Variants in TRIM28 observed in about 807,000 individuals in gnomAD.
TRIM28 encodes tripartite motif containing 28, also known as transcription intermediary factor 1-beta.
A neutral mutation model predicts 87.4 loss-of-function variants in TRIM28; 8 were observed. The observed-to-expected ratio is 0.09, with a 90% CI of 0.05 to 0.17. The LOEUF (loss-of-function observed/expected upper bound fraction) is 0.17, where lower values mean the gene tolerates loss of function less well. Ranked by LOEUF, TRIM28 falls within the 10% of genes least tolerant of loss-of-function variation. The pLI is 1.00. For missense variants in TRIM28, 968 were observed against 1,131.8 expected, an observed-to-expected ratio of 0.86 and a Z score of 2.08; for synonymous variants, 601 against 454.3, an observed-to-expected ratio of 1.32 and a Z score of -4.11.
intron 11 of TRIM28, 22 bp from the exon 12 acceptor site, chr19:58,548,966 T>C (rs528239387): frequency 1.2e-6 from 2 of 1,614,056 alleles, no homozygotes; most frequent in East Asian, 2.2e-5. Flanking sequence ...GGTGTACTCA[T>C]GCCAGGTTGC....
rs776641113 is a variant in TRIM28 at position 58,548,839 on chromosome 19, GTCT to G, written c.1361-18_1361-16del. ...GTGCTGTTTCTACCCCAACCTGCCA[GTCT>G]TCTTTCTCCATTTTCTAAGGAGATG... is the stretch of plus-strand genomic sequence containing the variant. On this transcript the variant is annotated intron_variant, in intron 10 of 16. Coordinates refer to ENST00000253024, the MANE Select transcript of TRIM28 (RefSeq NM_005762.3). 1.1e-5 allele frequency: 17 copies of G among 1,614,110 alleles called. No individual in the cohort carries two copies. Among genetic ancestry groups the G allele is most frequent in the South Asian group, 3.3e-5 (3 of 91,086 alleles).
At position 58,550,198 on chromosome 19, in the gene TRIM28, G is replaced by A. The variant is rs2122634274; in HGVS notation, c.2245G>A (p.Glu749Lys). 6.2e-7 allele frequency: 1 copy of A among 1,614,054 alleles called. No homozygotes were observed. The highest frequency in any genetic ancestry group is 2.2e-5 in the East Asian group (1 of 44,878). The change falls in exon 16 of 17, where the codon GAG (glutamate) becomes AAG (lysine). Residue 749 changes from glutamate to lysine, a missense_variant. This residue lies in a region of TRIM28 where 192 missense variants were observed against 225.6 expected (regional missense o/e 0.85). Coordinates refer to ENST00000253024, the MANE Select transcript of TRIM28 (RefSeq NM_005762.3). ...GACCCTGATCCGTGCCCGCCTCCAGGAGAAGTTGTCACCTCCCTACAGCTC... is the reference window on the plus strand; with the variant it reads ...GACCCTGATCCGTGCCCGCCTCCAGAAGAAGTTGTCACCTCCCTACAGCTC... ...DLTLIRARLQ[E>K]KLSPPYSSPQ...
intron 3 of TRIM28, among the ~76,000 whole-genome samples, chr19:58,546,457 G>A (rs2053762063): frequency 6.6e-6 from 1 of 152,132 alleles, no homozygotes; most frequent in African/African-American, 2.4e-5. Context: ...CCAAGTTTTG[G>A]GGCCAGAATC....
chr19:58,550,133 A>T lies in TRIM28; in HGVS notation c.2194-14A>T. On this transcript the variant is annotated splice_polypyrimidine_tract_variant and intron_variant, in intron 15 of 16. Coordinates refer to ENST00000253024, the MANE Select transcript of TRIM28 (RefSeq NM_005762.3). ...GTGTGTCTTTGTGTGTGTATGTGTG[A>T]TCTCTGCCTGCAGGACCAGCCCGGT... is the stretch of plus-strand genomic sequence containing the variant. The T allele has an allele frequency of 6.2e-7, 1 of 1,613,478 alleles. No individual in the cohort carries two copies. The highest frequency in any genetic ancestry group is 1.3e-5 in the African/African-American group (1 of 74,842).
rs2053750698 is a variant in TRIM28 at position 58,545,245 on chromosome 19, G to C, written c.340+148G>C. On this transcript the variant is annotated intron_variant, in intron 1 of 16. Coordinates refer to ENST00000253024, the MANE Select transcript of TRIM28 (RefSeq NM_005762.3). ...CTTTCTGGGTCCTGCATACGAACGT[G>C]GGTTTGTGCTGGCCGCTGAGATGGG... The C allele has an allele frequency of 1.6e-5, 15 of 925,340 alleles. No individual in the cohort carries two copies. The South Asian group carries it at 2.6e-4, about 16-fold the overall frequency. The allele number at this position is 925,340 out of a possible 1,614,324, so 57.3% of individuals were successfully genotyped here.
rs748410485 is a variant in TRIM28, at chr19:58,545,390, C to G, written c.341-35C>G. 4.5e-6 allele frequency: 7 copies of G among 1,543,378 alleles called. No homozygotes were observed. The South Asian group carries it at 7.9e-5, about 17-fold the overall frequency. ...GTGGGGGCCATAACCTGGGTGGGAA[C>G]TTGTAACAGTCTCCCACATCCCTGC... On this transcript the variant is annotated intron_variant, in intron 1 of 16. Transcript: ENST00000253024.
chr19:58,550,687 C>T lies in TRIM28; in HGVS notation c.*134C>T, dbSNP rs1318677262. ...GTTCCTCACGATATGGTTTTTACTTCTGTGGATTTAATAAAAACTTCACCA... is the reference window on the plus strand; with the variant it reads ...GTTCCTCACGATATGGTTTTTACTTTTGTGGATTTAATAAAAACTTCACCA... On this transcript the variant is annotated 3_prime_UTR_variant, in exon 17 of 17. Transcript: ENST00000253024. The T allele has an allele frequency of 8.5e-6, 8 of 941,428 alleles. No homozygotes were observed. Among genetic ancestry groups the T allele is most frequent in the Admixed American group, 2.9e-5 (1 of 34,352 alleles). 58.3% of individuals were successfully genotyped at this position (941,428 alleles called of 1,614,324 possible). A position where few individuals can be genotyped will look rare whatever the true frequency, so the allele number is the denominator to read the frequency against.
At chr19:58,548,429 C>T in intron 8 of TRIM28, 21 bp downstream of exon 8, 2 of 1,614,008 alleles carry the variant, frequency 1.2e-6, no homozygotes, top group East Asian at 2.2e-5. Flanking sequence ...AGCTTTACCT[C>T]ACTCTGTTAT....
At position 58,547,889 on chromosome 19, in the gene TRIM28, C is replaced by T; in HGVS notation, c.937C>T (p.Leu313=). The change falls in exon 6 of 17, where the codon CTG becomes TTG. Residue 313 remains leucine, a synonymous_variant. Coordinates refer to ENST00000253024, the MANE Select transcript of TRIM28 (RefSeq NM_005762.3). ...GGAGCTGAATAAGCGGGGCCGTGTG[C>T]TGGTCAATGATGCCCAGGTAAGCCT... The part of the protein sequence containing the change: ...MKELNKRGRV[L]VNDAQKVTEG... 9 of 1,614,160 alleles carry T rather than the reference C, an allele frequency of 5.6e-6. No individual in the cohort carries two copies. The highest frequency in any genetic ancestry group is 7.6e-6 in the Non-Finnish European group (9 of 1,180,024).
In TRIM28 at chr19:58,544,472, G is replaced by A. The variant is rs1223366644; in HGVS notation, c.-286G>A. On this transcript the variant is annotated 5_prime_UTR_variant, in exon 1 of 17. Transcript: ENST00000253024. ...GCCTCGGCTCTTTCTGCGAGCGGGC[G>A]CGCGGGCGAGCGGTTGTGCTTGTGC... 2 of 152,380 alleles carry A rather than the reference G, an allele frequency of 1.3e-5. No homozygotes were observed. Among genetic ancestry groups the A allele is most frequent in the Non-Finnish European group, 2.9e-5 (2 of 68,054 alleles). The allele number at this position is 152,380 out of a possible 1,614,324, so 9.4% of individuals were successfully genotyped here.
chr19:58,548,532 A>G lies in TRIM28; in HGVS notation c.1263A>G (p.Ala421=). The change falls in exon 9 of 17, where the codon GCA becomes GCG. Residue 421 remains alanine, a synonymous_variant. Transcript: ENST00000253024. ...CTGGCACTAACTCAACAGGCCCTGC[A>G]CCCATGGCCCCTCCAAGAGCCCCAG... ...ERPGTNSTGP[A]PMAPPRAPGP... is the part of the protein sequence containing the mutation. 1.2e-6 allele frequency: 2 copies of G among 1,613,924 alleles called. No individual in the cohort carries two copies. The highest frequency in any genetic ancestry group is 1.7e-6 in the Non-Finnish European group (2 of 1,179,988).
chr19:58,547,138 G>A (rs2053768319), intron 3 of TRIM28: 1 of 553,800 alleles, frequency 1.8e-6, no homozygotes, highest in Non-Finnish European at 3.2e-6. Context: ...TTACATTGTT[G>A]TTATCTCTAG....
rs751840248 is a variant in TRIM28 at position 58,545,506 on chromosome 19, A to G, written c.422A>G (p.Lys141Arg). 1.6e-5 allele frequency: 26 copies of G among 1,587,756 alleles called. No homozygotes were observed. The highest frequency in any genetic ancestry group is 2.2e-5 in the Non-Finnish European group (25 of 1,159,152). The change falls in exon 2 of 17, where the codon AAG becomes AGG. Residue 141 changes from lysine (K) to arginine (R), a missense_variant. By Grantham distance (26) the Lys-to-Arg change is conservative. This residue lies in a region of TRIM28 where 51 missense variants were observed against 69.3 expected (regional missense o/e 0.74). Transcript: ENST00000253024. ...TATTTCATGCGTGATAGTGGCAGCA[A>G]GGCTGCCACCGACGCCCAGGATGCG... Reference protein sequence around the residue: ...ENYFMRDSGSKAATDAQDANQ... With the variant: ...ENYFMRDSGSRAATDAQDANQ...
intron 2 of TRIM28, 110 bp from the exon 3 acceptor site, chr19:58,545,654 C>T (rs2053755145): frequency 4.6e-6 from 7 of 1,532,338 alleles, no homozygotes; most frequent in Admixed American, 1.8e-5. Context: ...GGGTGGGCTG[C>T]CTAGGTTGGG....
In TRIM28 at chr19:58,546,207, A is replaced by T. The variant is rs138516081; in HGVS notation, c.586+311A>T. Among the ~76,000 whole-genome samples the T allele has an allele frequency of 1.8e-4, 27 of 152,282 alleles. No individual in the cohort carries two copies. In the East Asian group the frequency reaches 5.2e-3, roughly 29 times the overall value. On this transcript the variant is annotated intron_variant, in intron 3 of 16. Transcript: ENST00000253024. ...GGTGAAGGGCTCAGCATATGCAAACAGGGAAAGGCATGGTGTGAAGGGCTT... is the reference window on the plus strand; with the variant it reads ...GGTGAAGGGCTCAGCATATGCAAACTGGGAAAGGCATGGTGTGAAGGGCTT...
intron 9 of TRIM28, 61 bp downstream of exon 9, chr19:58,548,653 G>C: frequency 6.5e-7 from 1 of 1,547,182 alleles, no homozygotes; most frequent in South Asian, 1.1e-5. Flanking sequence ...TAGCAGGAGA[G>C]AGGACCCAGG....
At position 58,544,883 on chromosome 19, in the gene TRIM28, C is replaced by T; in HGVS notation, c.126C>T (p.Ala42=). The part of the protein sequence containing the change: ...RSTAPSAAAS[A]SASAAASSPA... ...CCGCCCCTTCGGCCGCAGCCTCGGC[C>T]TCTGCCTCAGCCGCGGCGTCGTCGC... is the stretch of plus-strand genomic sequence containing the variant. Residue 42 remains alanine (A), a synonymous_variant, in exon 1 of 17, where the codon GCC becomes GCT. Coordinates refer to ENST00000253024, the MANE Select transcript of TRIM28 (RefSeq NM_005762.3). The T allele has an allele frequency of 7.3e-6, 10 of 1,364,096 alleles. No homozygotes were observed. Among genetic ancestry groups the T allele is most frequent in the Non-Finnish European group, 8.4e-6 (9 of 1,065,982 alleles). The allele number at this position is 1,364,096 out of a possible 1,614,324, so 84.5% of individuals were successfully genotyped here. A position where few individuals can be genotyped will look rare whatever the true frequency, so the allele number is the denominator to read the frequency against.
At position 58,547,920 on chromosome 19, in the gene TRIM28, C is replaced by T. The variant is rs751584592; in HGVS notation, c.954+14C>T. Reference sequence around the variant, plus strand: ...AATGATGCCCAGGTAAGCCTTGTGCCGGTGAGAAGGGTCCCTGAGCCCCCT... The same window carrying T: ...AATGATGCCCAGGTAAGCCTTGTGCTGGTGAGAAGGGTCCCTGAGCCCCCT... On this transcript the variant is annotated intron_variant, in intron 6 of 16. Coordinates refer to ENST00000253024, the MANE Select transcript of TRIM28 (RefSeq NM_005762.3). 3.2e-5 allele frequency: 51 copies of T among 1,613,996 alleles called. No homozygotes were observed. The highest frequency in any genetic ancestry group is 3.6e-5 in the Non-Finnish European group (43 of 1,179,918).
Position 58,545,456 on chromosome 19 carries a change from C to T in TRIM28, c.372C>T (p.Cys124=). The T allele has an allele frequency of 6.2e-7, 1 of 1,612,604 alleles. No individual in the cohort carries two copies. The highest frequency in any genetic ancestry group is 1.1e-5 in the South Asian group (1 of 91,064). Residue 124 remains cysteine (C), a synonymous_variant, in exon 2 of 17, where the codon TGC becomes TGT. Transcript: ENST00000253024. ...ACTGTCCCGTGTGCAAGCAACAGTG[C>T]TTCTCCAAAGACATCGTGGAGAATT... is the stretch of plus-strand genomic sequence containing the variant. ...VVDCPVCKQQ[C]FSKDIVENYF...
Sources: allele counts gnomAD v4.1 joint callset (sites outside exome capture counted in the v4.1 genomes callset), GRCh38; gene constraint gnomAD v4.1.1; regional missense constraint gnomAD v4.1.1; transcripts MANE v1.5; gene names NCBI Gene and HGNC (gene_info 2026-07-23, HGNC 2026-07-21).